The following CDH18 variants were observed in gnomAD, a reference collection of about 807,000 sequenced individuals.
The protein encoded by CDH18 is cadherin 18, also known as cadherin-18.
A neutral mutation model predicts 67.9 loss-of-function variants in CDH18; 31 were observed. That is an observed-to-expected ratio of 0.46 (90% CI 0.34 to 0.62). CDH18 has a LOEUF of 0.62. Among genes scored for constraint, CDH18 ranks in the 20% least tolerant of loss-of-function variants. The probability of loss-of-function intolerance (pLI) is 0.01; values close to 1 mark genes in which losing one functional copy is unlikely to be tolerated. For synonymous variants in CDH18, 362 were observed against 347.2 expected (o/e 1.04, Z -0.48); for missense variants, 890 against 975.5 (o/e 0.91, Z 1.17).
intron 2 of CDH18, among the ~76,000 whole-genome samples, chr5:20,191,470 G>A (rs1398168354): frequency 2.0e-5 from 3 of 151,908 alleles, no homozygotes; most frequent in Admixed American, 2.0e-4. Flanking sequence ...GTGCCATGGT[G>A]GTTTGCTGCA....
chr5:19,720,870 C>T (rs1766003850), intron 5 of CDH18, among the ~76,000 whole-genome samples: 1 of 151,962 alleles, frequency 6.6e-6, no homozygotes, highest in Non-Finnish European at 1.5e-5. Flanking sequence ...TAGAAATCCC[C>T]CAGTACAATA....
At chr5:19,808,832 C>CAAAAAAAAAAAAAAAAAAAAAAAGAAAA (rs1778330014) in intron 3 of CDH18, among the ~76,000 whole-genome samples, 1 of 53,936 alleles carries the variant, frequency 1.9e-5, no homozygotes, top group Non-Finnish European at 3.2e-5. Flanking sequence ...AACTCTGTCT[C>CAAAAAAAAAAAAAAAAAAAAAAAGAAAA]AAAAAAAAAA....
chr5:20,444,613 GT>G (rs2150196481), intron 1 of CDH18, among the ~76,000 whole-genome samples: 1 of 152,306 alleles, frequency 6.6e-6, no homozygotes, highest in East Asian at 1.9e-4. Context: ...GAAATAAACT[GT>G]GAGATTCAAA....
At chr5:19,696,774 C>T (rs971576030) in intron 5 of CDH18, among the ~76,000 whole-genome samples, 1 of 152,050 alleles carries the variant, frequency 6.6e-6, no homozygotes, top group Non-Finnish European at 1.5e-5. Flanking sequence ...AAGTTGTTCT[C>T]CATAGGACTG....
chr5:20,552,234 C>T (rs1757671122), intron 1 of CDH18, among the ~76,000 whole-genome samples: 1 of 151,234 alleles, frequency 6.6e-6, no homozygotes, highest in African/African-American at 2.4e-5. Flanking sequence ...AACAGCACTT[C>T]AGGAGACCGA....
intron 5 of CDH18, among the ~76,000 whole-genome samples, chr5:19,719,765 T>C (rs915265841): frequency 2.6e-5 from 4 of 151,894 alleles, no homozygotes; most frequent in Admixed American, 1.3e-4. Context: ...ATAATGCATA[T>C]AAGGATATTT....
chr5:20,314,305 G>A (rs771914256), intron 1 of CDH18, among the ~76,000 whole-genome samples: 14 of 151,976 alleles, frequency 9.2e-5, no homozygotes, highest in Non-Finnish European at 1.6e-4. Flanking sequence ...TTCAACTAAA[G>A]AAAATAATAA....
chr5:19,492,707 A>T (rs1172512415), intron 11 of CDH18, among the ~76,000 whole-genome samples: 2 of 152,144 alleles, frequency 1.3e-5, no homozygotes, highest in Admixed American at 6.5e-5. Flanking sequence ...AATAAGGTCA[A>T]TATTAAGCAA....
chr5:20,109,019 A>T (rs1438925639), intron 2 of CDH18, among the ~76,000 whole-genome samples: 1 of 152,220 alleles, frequency 6.6e-6, no homozygotes, highest in Non-Finnish European at 1.5e-5. Flanking sequence ...GAATCATTTA[A>T]TCTTCTATTT....
intron 2 of CDH18, among the ~76,000 whole-genome samples, chr5:20,138,845 C>G (rs949411631): frequency 2.0e-5 from 3 of 152,140 alleles, no homozygotes; most frequent in Non-Finnish European, 4.4e-5. Context: ...ACATTCCATG[C>G]TCATGGACAG....
chr5:20,413,078 T>C (rs940437034), intron 1 of CDH18, among the ~76,000 whole-genome samples: 3 of 152,236 alleles, frequency 2.0e-5, no homozygotes, highest in Non-Finnish European at 4.4e-5. Context: ...TTTCTGTCCT[T>C]GGGATAGTTT....
In CDH18 at chr5:20,181,206, G is replaced by T. The variant is rs540435986; in HGVS notation, c.-518+74238C>A. Among the ~76,000 whole-genome samples the T allele has an allele frequency of 4.6e-5, 7 of 152,216 alleles. No individual in the cohort carries two copies. In the East Asian group the frequency reaches 7.7e-4, roughly 17 times the overall value. On this transcript the variant is annotated intron_variant, in intron 2 of 14. Transcript: ENST00000507958. ...ATACTAGTATTCATACATTTCAGTTGCTCCTCCCATATTTTTGGGGGCTTG... is the reference window on the plus strand; with the variant it reads ...ATACTAGTATTCATACATTTCAGTTTCTCCTCCCATATTTTTGGGGGCTTG...
chr5:20,208,126 C>T (rs772671411), intron 2 of CDH18, among the ~76,000 whole-genome samples: 2 of 152,130 alleles, frequency 1.3e-5, no homozygotes, highest in Non-Finnish European at 2.9e-5. Flanking sequence ...ATTTAATTGA[C>T]TCACAGTTCT....
At chr5:20,327,029 A>G (rs909205453) in intron 1 of CDH18, among the ~76,000 whole-genome samples, 10 of 152,200 alleles carry the variant, frequency 6.6e-5, no homozygotes, top group Middle Eastern at 3.2e-3. Flanking sequence ...TACATGTACG[A>G]TTGATATTCT....
intron 1 of CDH18, among the ~76,000 whole-genome samples, chr5:20,501,891 C>T: frequency 7.4e-6 from 1 of 134,676 alleles, no homozygotes; most frequent in South Asian, 2.6e-4. Flanking sequence ...AAAATACTTC[C>T]TTACACACAC....
intron 2 of CDH18, among the ~76,000 whole-genome samples, chr5:20,187,614 C>G (rs904205520): frequency 6.6e-6 from 1 of 151,854 alleles, no homozygotes; most frequent in Middle Eastern, 3.2e-3. Flanking sequence ...TAAAGCGATA[C>G]AAGAAGCATT....
intron 2 of CDH18, among the ~76,000 whole-genome samples, chr5:19,949,056 G>A (rs11948031): frequency 0.029 from 4,439 of 152,070 alleles, 239 homozygotes; most frequent in East Asian, 0.22. Context: ...AGACAGTAAC[G>A]AATAAAAGTA....
intron 1 of CDH18, among the ~76,000 whole-genome samples, chr5:20,337,136 AATTCTACGCT>A (rs1356652389): frequency 6.6e-6 from 1 of 152,124 alleles, no homozygotes; most frequent in Non-Finnish European, 1.5e-5. Context: ...TTGCTTAATC[AATTCTACGCT>A]ATTCACTCTG....
chr5:20,492,369 G>A (rs1361113320), intron 1 of CDH18, among the ~76,000 whole-genome samples: 2 of 151,994 alleles, frequency 1.3e-5, no homozygotes, highest in Non-Finnish European at 2.9e-5. Context: ...TACTAAATTT[G>A]CAGTTATTTC....
Sources: allele counts gnomAD v4.1 joint callset (sites outside exome capture counted in the v4.1 genomes callset), GRCh38; gene constraint gnomAD v4.1.1; transcripts MANE v1.5; gene names NCBI Gene and HGNC (gene_info 2026-07-23, HGNC 2026-07-21).